The following DOCK2 variants were observed in gnomAD, a reference collection of about 807,000 sequenced individuals.
The protein encoded by DOCK2 is dedicator of cytokinesis 2.
DOCK2 carries 87 observed loss-of-function variants against 248.9 expected under a neutral mutation model. The ratio of observed to expected loss-of-function variants is 0.35; its 90% CI spans 0.29 to 0.42. The LOEUF (loss-of-function observed/expected upper bound fraction) is 0.42, where lower values mean the gene tolerates loss of function less well. DOCK2 is among the 10% of genes least tolerant of loss of function. The pLI, the probability that DOCK2 is intolerant of heterozygous loss-of-function variation, is 1.00. For missense variants in DOCK2, 1,747 were observed against 2,300.2 expected (o/e 0.76, Z 4.92); for synonymous variants, 805 against 821.6 (o/e 0.98, Z 0.35).
At chr5:170,064,242 CAG>C (rs893047756) in intron 44 of DOCK2, among the ~76,000 whole-genome samples, 9 of 151,870 alleles carry the variant, frequency 5.9e-5, no homozygotes, top group African/African-American at 2.2e-4. Flanking sequence ...AATGAAGAAA[CAG>C]GGTAATATAT....
At position 169,833,035 on chromosome 5, in the gene DOCK2, C is replaced by T. The variant is rs1053343564; in HGVS notation, c.2704-7722C>T. Among the ~76,000 whole-genome samples, 7 of 152,252 alleles carry T rather than the reference C, an allele frequency of 4.6e-5. No individual in the cohort carries two copies. The East Asian group carries it at 1.2e-3, about 25-fold the overall frequency. ...AGGAAGCAGTGGCCCCCTCAATGTT[C>T]AGCAGAATAGGTCCTTCATTCTAGC... is the stretch of plus-strand genomic sequence containing the variant. On this transcript the variant is annotated intron_variant, in intron 26 of 51. Coordinates refer to ENST00000520908, the MANE Select transcript of DOCK2 (RefSeq NM_004946.3).
At chr5:169,703,436 G>T (rs73316298) in intron 14 of DOCK2, among the ~76,000 whole-genome samples, 1 of 152,036 alleles carries the variant, frequency 6.6e-6, no homozygotes, top group East Asian at 1.9e-4. Flanking sequence ...ACAGTAACTC[G>T]CCCAAAGCCA....
At chr5:169,899,810 A>T (rs926537707) in intron 27 of DOCK2, among the ~76,000 whole-genome samples, 1 of 152,218 alleles carries the variant, frequency 6.6e-6, no homozygotes, top group African/African-American at 2.4e-5. Context: ...TGTTGACTCC[A>T]TAAGTTTTTA....
At chr5:169,805,621 G>C (rs1236998493) in intron 26 of DOCK2, among the ~76,000 whole-genome samples, 1 of 152,236 alleles carries the variant, frequency 6.6e-6, no homozygotes, top group East Asian at 1.9e-4. Flanking sequence ...TTGTGAAGTA[G>C]GATGCTGAGG....
intron 33 of DOCK2, among the ~76,000 whole-genome samples, chr5:170,020,052 T>C (rs1034181294): frequency 7.2e-5 from 11 of 152,066 alleles, no homozygotes; most frequent in African/African-American, 2.7e-4. Context: ...CTTTACCCAT[T>C]AATACCCTAA....
At chr5:169,969,957 A>G (rs1049181073) in intron 27 of DOCK2, among the ~76,000 whole-genome samples, 1 of 152,252 alleles carries the variant, frequency 6.6e-6, no homozygotes, top group Non-Finnish European at 1.5e-5. Flanking sequence ...AACAAATTCA[A>G]ATGTTTTAAA....
rs113079612 is a variant in DOCK2, at chr5:169,776,601, A to G, written c.2554+14976A>G. Reference sequence around the variant, plus strand: ...CTTTGAAGGACACTGGCTATAGTCAATTTTATGGCTTGGCTCTGCGCCCCT... The same window carrying G: ...CTTTGAAGGACACTGGCTATAGTCAGTTTTATGGCTTGGCTCTGCGCCCCT... On this transcript the variant is annotated intron_variant, in intron 25 of 51. Transcript: ENST00000520908. Among the ~76,000 whole-genome samples the G allele has an allele frequency of 1.4e-3, 212 of 152,304 alleles. 2 individuals carry two copies. Among genetic ancestry groups the G allele is most frequent in the African/African-American group, 4.8e-3 (199 of 41,572 alleles).
At position 169,982,090 on chromosome 5, in the gene DOCK2, A is replaced by T. The variant is rs567355368; in HGVS notation, c.2800-978A>T. On this transcript the variant is annotated intron_variant, in intron 27 of 51. Transcript: ENST00000520908. ...ATGCTTTTTTTTTTTTTTTTGGTTCAAACATAATACTTCCAGCCAGGCCAT... is the reference window on the plus strand; with the variant it reads ...ATGCTTTTTTTTTTTTTTTTGGTTCTAACATAATACTTCCAGCCAGGCCAT... Among the ~76,000 whole-genome samples the T allele has an allele frequency of 2.5e-3, 370 of 145,954 alleles. 1 individual carries two copies. Among genetic ancestry groups the T allele is most frequent in the African/African-American group, 9.4e-3 (353 of 37,488 alleles).
At chr5:169,800,966 T>TTTTTTTTTTG (rs1561708787) in intron 25 of DOCK2, among the ~76,000 whole-genome samples, 4 of 107,942 alleles carry the variant, frequency 3.7e-5, no homozygotes, top group African/African-American at 1.4e-4. Flanking sequence ...TTTTTTTTTT[T>TTTTTTTTTTG]TTTTTTTGAG....
At chr5:169,811,816 C>T (rs1221285051) in intron 26 of DOCK2, among the ~76,000 whole-genome samples, 11 of 150,956 alleles carry the variant, frequency 7.3e-5, no homozygotes, top group South Asian at 2.1e-4. Context: ...TCAGGCACCA[C>T]GTTACCTCCC....
At chr5:169,794,910 G>A (rs1428761011) in intron 25 of DOCK2, among the ~76,000 whole-genome samples, 3 of 152,166 alleles carry the variant, frequency 2.0e-5, no homozygotes, top group African/African-American at 2.4e-5. Flanking sequence ...GTGACAGTGC[G>A]AGACTCTGTC....
intron 27 of DOCK2, among the ~76,000 whole-genome samples, chr5:169,939,005 G>A (rs1158918895): frequency 2.7e-5 from 4 of 150,706 alleles, no homozygotes; most frequent in Non-Finnish European, 2.9e-5. Context: ...CTGGGTTCAC[G>A]CCATTCTCCT....
chr5:170,062,159 G>A (rs1025350466), intron 44 of DOCK2, among the ~76,000 whole-genome samples: 3 of 151,922 alleles, frequency 2.0e-5, no homozygotes, highest in Non-Finnish European at 4.4e-5. Context: ...CAGAGAGAGT[G>A]AGTCAGTCAA....
chr5:170,056,558 C>T lies in DOCK2; in HGVS notation c.4296-126C>T, dbSNP rs1387334522. On this transcript the variant is annotated intron_variant, in intron 42 of 51. Transcript: ENST00000520908. ...AGAACACAGACCTTGATTTTAAATG[C>T]ACCACAAGGGACTCTGCCAGGCCTG... The T allele has an allele frequency of 2.1e-5, 14 of 674,432 alleles. No individual in the cohort carries two copies. The East Asian group carries it at 3.1e-4, about 15-fold the overall frequency. 41.8% of individuals were successfully genotyped at this position (674,432 alleles called of 1,614,324 possible). A position where few individuals can be genotyped will look rare whatever the true frequency, so the allele number is the denominator to read the frequency against.
chr5:169,687,744 G>A (rs1264185225), intron 8 of DOCK2, among the ~76,000 whole-genome samples: 1 of 152,090 alleles, frequency 6.6e-6, no homozygotes, highest in African/African-American at 2.4e-5. Context: ...CGGCTGCTAG[G>A]AGATATGAGA....
intron 2 of DOCK2, among the ~76,000 whole-genome samples, chr5:169,658,121 T>C (rs1049512854): frequency 6.6e-6 from 1 of 152,210 alleles, no homozygotes. Flanking sequence ...GAAATCTTTT[T>C]AGTGATAAAG....
chr5:169,921,929 T>C (rs1775197268), intron 27 of DOCK2, among the ~76,000 whole-genome samples: 2 of 152,216 alleles, frequency 1.3e-5, no homozygotes, highest in Non-Finnish European at 2.9e-5. Context: ...AGATGATCTT[T>C]TAAAAAAATG....
At position 169,654,491 on chromosome 5, in the gene DOCK2, G is replaced by A. The variant is rs745570765; in HGVS notation, c.127+5G>A. The A allele has an allele frequency of 6.2e-7, 1 of 1,614,084 alleles. No individual in the cohort carries two copies. Among genetic ancestry groups the A allele is most frequent in the East Asian group, 2.2e-5 (1 of 44,890 alleles). ...GAATACAGGAGACGTGTGGAGGTGA[G>A]TCACTGGCCCACGCCCCAAGTGCTG... On this transcript the variant is annotated splice_donor_5th_base_variant and intron_variant, in intron 2 of 51. Coordinates refer to ENST00000520908, the MANE Select transcript of DOCK2 (RefSeq NM_004946.3).
intron 18 of DOCK2, 37 bp from the exon 19 acceptor site, chr5:169,714,323 A>G (rs1011343665): frequency 1.4e-5 from 22 of 1,613,866 alleles, no homozygotes; most frequent in Non-Finnish European, 1.8e-5. Context: ...CAGTTAGGCC[A>G]GTAATGATAC....
Sources: gnomAD v4.1 joint callset for allele counts (sites outside exome capture counted in the v4.1 genomes callset) on GRCh38, gnomAD v4.1.1 for gene constraint, MANE v1.5 for transcripts, NCBI Gene and HGNC (gene_info 2026-07-23, HGNC 2026-07-21) for gene names.